Variants in DDR2 observed in about 807,000 individuals in gnomAD.
DDR2 encodes the protein discoidin domain-containing receptor 2.
In DDR2, 27 loss-of-function variants were observed where a neutral mutation model predicts 94.9. That is an observed-to-expected ratio of 0.28 (90% CI 0.21 to 0.39). The LOEUF (loss-of-function observed/expected upper bound fraction) is 0.39. DDR2 is among the 10% of genes least tolerant of loss of function. The pLI, the probability that DDR2 is intolerant of heterozygous loss-of-function variation, is 1.00. For missense variants in DDR2, 783 were observed against 1,076.0 expected (o/e 0.73, Z 3.81); for synonymous variants, 382 against 377.2 (o/e 1.01, Z -0.15).
chr1:162,657,744 G>A (rs959962257), intron 2 of DDR2, among the ~76,000 whole-genome samples: 1 of 152,016 alleles, frequency 6.6e-6, no homozygotes, highest in Non-Finnish European at 1.5e-5. Context: ...CGACGGCCCC[G>A]TGCTTATGAG....
intron 17 of DDR2, 48 bp from the exon 18 acceptor site, chr1:162,780,064 A>ATT: frequency 1.3e-6 from 2 of 1,566,356 alleles, no homozygotes; most frequent in Non-Finnish European, 1.8e-6. Flanking sequence ...TCTTTGTAAT[A>ATT]TTCTCTCTCT....
chr1:162,779,261 G>A (rs1186353045), intron 17 of DDR2, among the ~76,000 whole-genome samples: 1 of 152,076 alleles, frequency 6.6e-6, no homozygotes, highest in Non-Finnish European at 1.5e-5. Context: ...GGAAAGATGA[G>A]TTCCCAAGCT....
At chr1:162,694,820 G>T (rs906963271) in intron 2 of DDR2, among the ~76,000 whole-genome samples, 1 of 152,168 alleles carries the variant, frequency 6.6e-6, no homozygotes, top group Non-Finnish European at 1.5e-5. Context: ...TCACAAAAAA[G>T]CAGACTAGCT....
intron 2 of DDR2, among the ~76,000 whole-genome samples, chr1:162,684,349 G>T (rs1429561718): frequency 6.6e-6 from 1 of 152,076 alleles, no homozygotes; most frequent in African/African-American, 2.4e-5. Context: ...CAAACCAAAA[G>T]AATTATTACA....
chr1:162,729,644 G>A (rs1171848835), intron 3 of DDR2, among the ~76,000 whole-genome samples: 2 of 151,018 alleles, frequency 1.3e-5, no homozygotes, highest in Non-Finnish European at 2.9e-5. Context: ...GCTTATATAG[G>A]CAATCAACAA....
intron 3 of DDR2, among the ~76,000 whole-genome samples, chr1:162,728,895 T>A (rs966391059): frequency 2.6e-5 from 4 of 151,968 alleles, no homozygotes; most frequent in African/African-American, 7.3e-5. Context: ...TTTAGGTAAA[T>A]CTCTGCACCT....
chr1:162,713,881 A>G (rs1661037704), intron 2 of DDR2, among the ~76,000 whole-genome samples: 1 of 152,168 alleles, frequency 6.6e-6, no homozygotes, highest in Admixed American at 6.6e-5. Context: ...AAATTATGGT[A>G]TATGTATTTT....
chr1:162,699,928 T>C (rs1247344965), intron 2 of DDR2, among the ~76,000 whole-genome samples: 1 of 152,244 alleles, frequency 6.6e-6, no homozygotes, highest in Non-Finnish European at 1.5e-5. Flanking sequence ...TTAGCTTCTA[T>C]TGTCACCTCT....
In DDR2 at chr1:162,729,304, T is replaced by G. The variant is rs71519241; in HGVS notation, c.82+10159T>G. Among the ~76,000 whole-genome samples the G allele has an allele frequency of 4.0e-3, 283 of 70,762 alleles. 8 individuals carry two copies. Among genetic ancestry groups the G allele is most frequent in the African/African-American group, 0.017 (269 of 16,146 alleles). The allele number at this position is 70,762 out of a possible 152,430, so 46.4% of individuals were successfully genotyped here. A position where few individuals can be genotyped will look rare whatever the true frequency, so the allele number is the denominator to read the frequency against. Reference sequence around the variant, plus strand: ...TTTATATATATATATATATATATTTTTTTTTTTTTTTTTTTTCCTTGGGAG... The same window carrying G: ...TTTATATATATATATATATATATTTGTTTTTTTTTTTTTTTTCCTTGGGAG... On this transcript the variant is annotated intron_variant, in intron 3 of 17. Transcript: ENST00000367921.
rs1008158835 is a variant in DDR2, at chr1:162,755,682, A to G, written c.584A>G (p.Asn195Ser). 23 of 1,614,018 alleles carry G rather than the reference A, an allele frequency of 1.4e-5. No individual in the cohort carries two copies. The highest frequency in any genetic ancestry group is 2.2e-5 in the East Asian group (1 of 44,886). ...CVWLDGLVSY[N>S]APAGQQFVLP... ...TTTGCAGATGGCTTGGTGTCTTACA[A>G]TGCTCCAGCTGGGCAGCAGTTTGTA... Residue 195 changes from asparagine (N) to serine (S), a missense_variant, in exon 7 of 18, where the codon AAT becomes AGT. Asn to Ser is a conservative substitution (Grantham distance 46, BLOSUM62 1). Transcript: ENST00000367921.
At chr1:162,638,384 A>G (rs1351627627) in intron 1 of DDR2, among the ~76,000 whole-genome samples, 1 of 152,090 alleles carries the variant, frequency 6.6e-6, no homozygotes, top group African/African-American at 2.4e-5. Flanking sequence ...TTATCATCAT[A>G]ATTATGGCTA....
At chr1:162,631,206 G>C (rs1476706108), upstream of DDR2, among the ~76,000 whole-genome samples, 1 of 151,664 alleles carries the variant, frequency 6.6e-6, no homozygotes, top group Non-Finnish European at 1.5e-5. Context: ...GTGTGTGTGT[G>C]TGTGTGTGTG....
At chr1:162,714,705 T>G (rs1661079864) in intron 2 of DDR2, among the ~76,000 whole-genome samples, 1 of 152,208 alleles carries the variant, frequency 6.6e-6, no homozygotes, top group South Asian at 2.1e-4. Flanking sequence ...CATATGTTTC[T>G]TTAAAATTCT....
At position 162,784,541 on chromosome 1, in the gene DDR2, G is replaced by T. The variant is rs537099383; in HGVS notation, c.*4295G>T. The T allele has an allele frequency of 2.0e-5, 3 of 152,538 alleles. No individual in the cohort carries two copies. The highest frequency in any genetic ancestry group is 7.2e-5 in the African/African-American group (3 of 41,448). 9.4% of individuals were successfully genotyped at this position (152,538 alleles called of 1,614,324 possible). On this transcript the variant is annotated 3_prime_UTR_variant, in exon 18 of 18. Transcript: ENST00000367921. ...CATTTTTATAAAAACAGATTAATGT[G>T]TTTTTCACTTAGTAAATGTTTTCAA...
intron 1 of DDR2, among the ~76,000 whole-genome samples, chr1:162,635,510 C>G (rs1421304509): frequency 6.6e-6 from 1 of 152,164 alleles, no homozygotes; most frequent in Non-Finnish European, 1.5e-5. Flanking sequence ...TGCTAACATT[C>G]TTGTGCCAGC....
intron 3 of DDR2, among the ~76,000 whole-genome samples, chr1:162,733,280 C>G (rs1203899653): frequency 2.0e-5 from 3 of 152,196 alleles, no homozygotes; most frequent in African/African-American, 7.2e-5. Context: ...CTTGGCAGTT[C>G]TGAGTCTTGA....
At chr1:162,773,643 G>A (rs776116628) in intron 14 of DDR2, 47 bp downstream of exon 14, 3 of 1,610,604 alleles carry the variant, frequency 1.9e-6, no homozygotes, top group Non-Finnish European at 2.5e-6. Flanking sequence ...TTCATCTTTA[G>A]GACCAGGAAT....
At chr1:162,641,746 G>C (rs1003252023) in intron 1 of DDR2, among the ~76,000 whole-genome samples, 1 of 152,138 alleles carries the variant, frequency 6.6e-6, no homozygotes, top group Non-Finnish European at 1.5e-5. Context: ...CATCTAAAGA[G>C]AGCTAGGTCA....
At chr1:162,763,158 G>A (rs1663826065) in intron 9 of DDR2, among the ~76,000 whole-genome samples, 1 of 150,706 alleles carries the variant, frequency 6.6e-6, no homozygotes, top group Non-Finnish European at 1.5e-5. Flanking sequence ...TAATACTCAA[G>A]TTGTGCTGTC....
Sources: allele counts gnomAD v4.1 joint callset (sites outside exome capture counted in the v4.1 genomes callset), GRCh38; gene constraint gnomAD v4.1.1; transcripts MANE v1.5; gene names NCBI Gene and HGNC (gene_info 2026-07-23, HGNC 2026-07-21).